Variants in NSMAF observed in about 807,000 individuals in gnomAD.
The protein encoded by NSMAF is neutral sphingomyelinase activation associated factor, also known as protein FAN.
NSMAF carries 90 observed loss-of-function variants against 134.9 expected under a neutral mutation model. The ratio of observed to expected loss-of-function variants is 0.67; its 90% CI spans 0.56 to 0.79. NSMAF has a LOEUF of 0.79. Among genes scored for constraint, NSMAF ranks in the 30% least tolerant of loss-of-function variants. The pLI is 0.00. For missense variants in NSMAF, 1,010 were observed against 1,119.0 expected, an observed-to-expected ratio of 0.90 and a Z score of 1.39; for synonymous variants, 358 against 389.6, an observed-to-expected ratio of 0.92 and a Z score of 0.96.
At chr8:58,625,091 T>C (rs1585749601) in intron 6 of NSMAF, among the ~76,000 whole-genome samples, 1 of 152,160 alleles carries the variant, frequency 6.6e-6, no homozygotes, top group African/African-American at 2.4e-5. Context: ...CAGATTGCCC[T>C]CCCCAATGTG....
chr8:58,594,232 C>A lies in NSMAF; in HGVS notation c.1951G>T (p.Asp651Tyr), dbSNP rs773815850. ...NGSSVFTTSQ[D>Y]STLKMFSKES... ...CCGCCTTTCGGGGAGGAACACTGAC[C>A]TTGGGATGTTGTGAATACTGAAGAT... The change falls in exon 23 of 31, where the codon GAT becomes TAT. Residue 651 changes from aspartate (D) to tyrosine (Y), a missense_variant and splice_region_variant. Coordinates refer to ENST00000038176, the MANE Select transcript of NSMAF (RefSeq NM_003580.4). 1 of 1,613,980 alleles carries A rather than the reference C, an allele frequency of 6.2e-7. No homozygotes were observed. Among genetic ancestry groups the A allele is most frequent in the Non-Finnish European group, 8.5e-7 (1 of 1,179,858 alleles).
At chr8:58,651,083 C>T (rs1807571618) in intron 1 of NSMAF, among the ~76,000 whole-genome samples, 1 of 152,212 alleles carries the variant, frequency 6.6e-6, no homozygotes, top group South Asian at 2.1e-4. Flanking sequence ...ACTGCCTCAC[C>T]TCCTGGCAGG....
chr8:58,655,970 C>T (rs774479970), intron 1 of NSMAF, among the ~76,000 whole-genome samples: 2 of 152,030 alleles, frequency 1.3e-5, no homozygotes, highest in African/African-American at 4.8e-5. Context: ...CTGCACAGGA[C>T]ATTTTTAAAA....
intron 30 of NSMAF, 87 bp from the exon 31 acceptor site, chr8:58,584,287 C>T (rs1341598674): frequency 2.2e-6 from 2 of 916,692 alleles, no homozygotes; most frequent in Non-Finnish European, 3.5e-6. Flanking sequence ...TCTTGCTTTG[C>T]TATTCATTTA....
intron 2 of NSMAF, chr8:58,637,312 A>T (rs1238792811): frequency 2.2e-6 from 1 of 455,990 alleles, no homozygotes; most frequent in Non-Finnish European, 4.4e-6. Flanking sequence ...TTCTCCAAAG[A>T]ACCCCCATCC....
At chr8:58,614,955 A>AT (rs1328593074) in intron 9 of NSMAF, among the ~76,000 whole-genome samples, 1 of 152,100 alleles carries the variant, frequency 6.6e-6, no homozygotes, top group Non-Finnish European at 1.5e-5. Flanking sequence ...AAGTATATAT[A>AT]TTTTTTAAAA....
At chr8:58,593,770 A>G (rs1025450929) in intron 23 of NSMAF, among the ~76,000 whole-genome samples, 1 of 152,254 alleles carries the variant, frequency 6.6e-6, no homozygotes, top group Non-Finnish European at 1.5e-5. Context: ...ATATTAAATA[A>G]TACATGAATT....
chr8:58,625,010 A>G (rs190580189), intron 6 of NSMAF, among the ~76,000 whole-genome samples: 1 of 152,180 alleles, frequency 6.6e-6, no homozygotes, highest in African/African-American at 2.4e-5. Context: ...TTAGTTAAAC[A>G]TTATCCCTGG....
Position 58,625,515 on chromosome 8 carries a change from T to C in NSMAF, c.385-1735A>G, listed in dbSNP as rs79263920. On this transcript the variant is annotated intron_variant, in intron 6 of 30. Coordinates refer to ENST00000038176, the MANE Select transcript of NSMAF (RefSeq NM_003580.4). ...TGTAATTATTTATCTTTCTGATAAATTGACCCTTTTATCATTACATAATAT... is the reference window on the plus strand; with the variant it reads ...TGTAATTATTTATCTTTCTGATAAACTGACCCTTTTATCATTACATAATAT... Among the ~76,000 whole-genome samples, 344 of 152,332 alleles carry C rather than the reference T, an allele frequency of 2.3e-3. 1 individual carries two copies. The highest frequency in any genetic ancestry group is 8.0e-3 in the African/African-American group (334 of 41,576).
At chr8:58,599,601 G>T in intron 18 of NSMAF, 149 bp downstream of exon 18, 2 of 933,252 alleles carry the variant, frequency 2.1e-6, no homozygotes, top group South Asian at 1.8e-5. Context: ...CAGACTCATA[G>T]AATACTTCTG....
intron 24 of NSMAF, 94 bp from the exon 25 acceptor site, chr8:58,590,168 C>T: frequency 6.7e-6 from 7 of 1,040,728 alleles, no homozygotes; most frequent in Non-Finnish European, 8.7e-6. Context: ...AAAATTAATG[C>T]TCAAATCGTC....
rs1407171089 is a variant in NSMAF at position 58,635,470 on chromosome 8, T to C, written c.226A>G (p.Lys76Glu). ...EPDSISQPII[K>E]IPLRDCIKIG... ...GTTCATATTTAAAATGTATTTACCTTGATGATGGGCTGGGATATTGAATCT... is the reference window on the plus strand; with the variant it reads ...GTTCATATTTAAAATGTATTTACCTCGATGATGGGCTGGGATATTGAATCT... The change falls in exon 3 of 31, where the codon AAG becomes GAG. Residue 76 changes from lysine (K) to glutamate (E), a missense_variant and splice_region_variant. Coordinates refer to ENST00000038176, the MANE Select transcript of NSMAF (RefSeq NM_003580.4). 1 of 1,599,364 alleles carries C rather than the reference T, an allele frequency of 6.3e-7. No homozygotes were observed. The highest frequency in any genetic ancestry group is 1.7e-5 in the Admixed American group (1 of 57,282).
Position 58,607,825 on chromosome 8 carries a change from T to C in NSMAF, c.703A>G (p.Ile235Val). Residue 235 changes from isoleucine (I) to valine (V), a missense_variant, in exon 11 of 31, where the codon ATA becomes GTA. By Grantham distance (29) the Ile-to-Val change is conservative. Coordinates refer to ENST00000038176, the MANE Select transcript of NSMAF (RefSeq NM_003580.4). ...ATGCGGCGGACATCTTGGAGTGTTA[T>C]CTGGACCACAGGTTTCTTTAAAAGT... ...LNGYPKPVVQ[I>V]TLQDVRRIYK... 6.2e-7 allele frequency: 1 copy of C among 1,614,028 alleles called. No individual in the cohort carries two copies. The highest frequency in any genetic ancestry group is 2.2e-5 in the East Asian group (1 of 44,884).
chr8:58,653,200 AAAAC>A (rs1196281436), intron 1 of NSMAF, among the ~76,000 whole-genome samples: 4 of 152,234 alleles, frequency 2.6e-5, no homozygotes, highest in Admixed American at 1.3e-4. Flanking sequence ...AAGCATTAGA[AAAAC>A]AAATAAAATA....
chr8:58,608,920 G>C (rs1313650602), intron 10 of NSMAF, among the ~76,000 whole-genome samples: 1 of 152,192 alleles, frequency 6.6e-6, no homozygotes, highest in African/African-American at 2.4e-5. Flanking sequence ...TAGGATTTCT[G>C]TTCTTTTAAT....
At chr8:58,592,255 G>GTTAGGAT (rs1806036516) in intron 23 of NSMAF, among the ~76,000 whole-genome samples, 1 of 152,124 alleles carries the variant, frequency 6.6e-6, no homozygotes, top group African/African-American at 2.4e-5. Context: ...ATGTCTAGTG[G>GTTAGGAT]TTAGGATTTG....
chr8:58,656,302 G>T (rs1807709579), intron 1 of NSMAF, among the ~76,000 whole-genome samples: 1 of 152,102 alleles, frequency 6.6e-6, no homozygotes, highest in Non-Finnish European at 1.5e-5. Context: ...TGTCTGGCCT[G>T]CCACCTAAAT....
In NSMAF at chr8:58,595,975, T is replaced by C. The variant is rs541095083; in HGVS notation, c.1793-316A>G. 12 of 210,518 alleles carry C rather than the reference T, an allele frequency of 5.7e-5. No homozygotes were observed. In the East Asian group the frequency reaches 1.3e-3, roughly 23 times the overall value. 13.0% of individuals were successfully genotyped at this position (210,518 alleles called of 1,614,324 possible). ...CTGAGTCATCATTTCCTTGTCAACA[T>C]TGTTTCAAAAACCTGACAGTTGCCT... On this transcript the variant is annotated intron_variant, in intron 21 of 30. Transcript: ENST00000038176.
chr8:58,642,790 T>C (rs1020433608), intron 2 of NSMAF, among the ~76,000 whole-genome samples, 194 bp downstream of exon 2: 1 of 152,130 alleles, frequency 6.6e-6, no homozygotes, highest in African/African-American at 2.4e-5. Flanking sequence ...GATAAAATAA[T>C]AAACATAGCA....
Sources: allele counts gnomAD v4.1 joint callset (sites outside exome capture counted in the v4.1 genomes callset), GRCh38; gene constraint gnomAD v4.1.1; transcripts MANE v1.5; gene names NCBI Gene and HGNC (gene_info 2026-07-23, HGNC 2026-07-21).